The following TMCO5A variants were observed in gnomAD, a reference collection of about 807,000 sequenced individuals.
TMCO5A encodes the protein transmembrane and coiled-coil domain-containing protein 5A.
Under a neutral mutation model 42.3 loss-of-function variants are expected in TMCO5A, and 34 were observed. The observed-to-expected ratio is 0.80, with a 90% CI of 0.61 to 1.07. The LOEUF (loss-of-function observed/expected upper bound fraction) is 1.07, where lower values mean the gene tolerates loss of function less well. TMCO5A is among the 50% of genes least tolerant of loss of function. The pLI is 0.00. For synonymous variants in TMCO5A, 131 were observed against 115.6 expected (o/e 1.13, Z -0.86); for missense variants, 357 against 327.9 (o/e 1.09, Z -0.69).
chr15:38,039,653 G>A, the TMCO5A span, among the ~76,000 whole-genome samples: 1 of 152,146 alleles, frequency 6.6e-6, no homozygotes, highest in Non-Finnish European at 1.5e-5. Flanking sequence ...GAACTTCCAT[G>A]GCAGTTTATC....
the TMCO5A span, among the ~76,000 whole-genome samples, chr15:38,000,602 T>C: frequency 2.6e-5 from 4 of 152,150 alleles, no homozygotes; most frequent in African/African-American, 9.6e-5. Flanking sequence ...AATGTATAAT[T>C]GTGTTATTTA....
chr15:37,977,205 C>T, the TMCO5A span, among the ~76,000 whole-genome samples: 3,643 of 152,260 alleles, frequency 0.024, 149 homozygotes, highest in African/African-American at 0.083. Context: ...ATTCTGAATT[C>T]TATGTCTGTC....
exon 12 of TMCO5A, chr15:37,966,814 G>T: frequency 1.5e-6 from 1 of 650,378 alleles, no homozygotes; most frequent in Non-Finnish European, 2.8e-6. Flanking sequence ...CAGAGGGATG[G>T]AGTACTCTGA....
At chr15:37,968,113 G>A (rs1298285432), downstream of TMCO5A, among the ~76,000 whole-genome samples, 4 of 152,194 alleles carry the variant, frequency 2.6e-5, no homozygotes, top group Non-Finnish European at 5.9e-5. Flanking sequence ...AGTGCTAAGT[G>A]CAGATAACAG....
At chr15:37,938,006 A>T (rs1889585645) in intron 5 of TMCO5A, 152 bp from the exon 6 acceptor site, 2 of 668,634 alleles carry the variant, frequency 3.0e-6, no homozygotes, top group East Asian at 2.8e-5. Flanking sequence ...CAGAGGTAGA[A>T]CAAAGATGTT....
At chr15:37,972,960 G>A in the TMCO5A span, among the ~76,000 whole-genome samples, 1 of 152,158 alleles carries the variant, frequency 6.6e-6, no homozygotes, top group East Asian at 1.9e-4. Context: ...TGTATATGGT[G>A]TAAGGAAGGA....
the TMCO5A span, among the ~76,000 whole-genome samples, chr15:38,003,275 T>G: frequency 6.7e-6 from 1 of 149,128 alleles, no homozygotes; most frequent in African/African-American, 2.6e-5. Flanking sequence ...TCTCCCCACT[T>G]GAAGCTAGGG....
At chr15:37,955,223 AT>A (rs1006345641), downstream of TMCO5A, among the ~76,000 whole-genome samples, 1 of 148,636 alleles carries the variant, frequency 6.7e-6, no homozygotes, top group Non-Finnish European at 1.5e-5. Context: ...AAGAATAACT[AT>A]TCTTATATAA....
At chr15:37,981,662 GAAAACAAAAT>G in the TMCO5A span, among the ~76,000 whole-genome samples, 44 of 152,264 alleles carry the variant, frequency 2.9e-4, no homozygotes, top group African/African-American at 1.0e-3. Context: ...TGAAAATATA[GAAAACAAAAT>G]ACATTTCTGA....
At chr15:37,953,947 C>T (rs191130466), downstream of TMCO5A, among the ~76,000 whole-genome samples, 18 of 151,668 alleles carry the variant, frequency 1.2e-4, no homozygotes, top group East Asian at 2.9e-3. Context: ...CTTTTAATAG[C>T]AGAATTGATC....
At chr15:37,986,449 T>TA in the TMCO5A span, among the ~76,000 whole-genome samples, 1 of 150,512 alleles carries the variant, frequency 6.6e-6, no homozygotes, top group African/African-American at 2.4e-5. Flanking sequence ...TTTATTGTGG[T>TA]AAAAAATACA....
At chr15:37,986,380 GGTGTGTGTGTGTGT>G in the TMCO5A span, among the ~76,000 whole-genome samples, 443 of 139,288 alleles carry the variant, frequency 3.2e-3, 6 homozygotes, top group African/African-American at 0.011. Context: ...GGTAAGGGAT[GGTGTGTGTGTGTGT>G]GTGTGTGTGT....
At chr15:37,961,443 G>A (rs1044776351) in intron 11 of TMCO5A, among the ~76,000 whole-genome samples, 2 of 152,090 alleles carry the variant, frequency 1.3e-5, no homozygotes, top group Non-Finnish European at 2.9e-5. Flanking sequence ...GGTGACTATG[G>A]CCTTATAGAT....
chr15:37,980,013 T>C, the TMCO5A span, among the ~76,000 whole-genome samples: 5 of 152,198 alleles, frequency 3.3e-5, no homozygotes, highest in East Asian at 3.9e-4. Context: ...TAGTCTTTAA[T>C]TGATTTGCTC....
the TMCO5A span, among the ~76,000 whole-genome samples, chr15:37,992,667 T>C: frequency 6.6e-6 from 1 of 152,138 alleles, no homozygotes; most frequent in African/African-American, 2.4e-5. Context: ...TATGCAGCCA[T>C]AAAAAAGAAC....
At chr15:38,013,267 G>T in the TMCO5A span, among the ~76,000 whole-genome samples, 1 of 152,130 alleles carries the variant, frequency 6.6e-6, no homozygotes, top group Non-Finnish European at 1.5e-5. Context: ...CTTGCCAGGG[G>T]TCATCTCCAC....
At chr15:37,963,267 T>C (rs1041841040) in intron 11 of TMCO5A, among the ~76,000 whole-genome samples, 1 of 152,102 alleles carries the variant, frequency 6.6e-6, no homozygotes, top group Non-Finnish European at 1.5e-5. Context: ...TGTCCTTCAG[T>C]TAGAAGAATT....
chr15:37,997,606 G>T, the TMCO5A span, among the ~76,000 whole-genome samples: 1 of 152,036 alleles, frequency 6.6e-6, no homozygotes, highest in Non-Finnish European at 1.5e-5. Flanking sequence ...TTATCAGTTT[G>T]TCTGTGGATG....
At chr15:37,944,177 T>C (rs140729042) in intron 10 of TMCO5A, 4 of 152,168 alleles carry the variant, frequency 2.6e-5, no homozygotes, top group African/African-American at 9.7e-5. Flanking sequence ...TGTGTTTGGG[T>C]CATCCAAATG....
Sources: allele counts gnomAD v4.1 joint callset (sites outside exome capture counted in the v4.1 genomes callset), GRCh38; gene constraint gnomAD v4.1.1; transcripts MANE v1.5; gene names NCBI Gene and HGNC (gene_info 2026-07-23, HGNC 2026-07-21).